The following ADAMTS9 variants were observed in gnomAD, a reference collection of about 807,000 sequenced individuals.
The protein encoded by ADAMTS9 is ADAM metallopeptidase with thrombospondin type 1 motif 9.
ADAMTS9 carries 107 observed loss-of-function variants against 257.1 expected under a neutral mutation model. The observed-to-expected ratio is 0.42, with a 90% CI of 0.36 to 0.49. The LOEUF (loss-of-function observed/expected upper bound fraction) is 0.49. Among genes scored for constraint, ADAMTS9 ranks in the 20% least tolerant of loss-of-function variants. The pLI is 0.03. For missense variants in ADAMTS9, 2,353 were observed against 2,469.1 expected, an observed-to-expected ratio of 0.95 and a Z score of 1.00; for synonymous variants, 982 against 880.9, an observed-to-expected ratio of 1.11 and a Z score of -2.03.
At position 64,613,507 on chromosome 3, in the gene ADAMTS9, G is replaced by A; in HGVS notation, c.3192C>T (p.Cys1064=). Reference sequence around the variant, plus strand: ...TATGCCCTTTTCCACAGGTGACCAAGCACTGTAATGAAAAGCGGAGCTAGT... The same window carrying A: ...TATGCCCTTTTCCACAGGTGACCAAACACTGTAATGAAAAGCGGAGCTAGT... ...PQWKSGDWSE[C]LVTCGKGHKH... The change falls in exon 22 of 40, where the codon TGC becomes TGT. Residue 1064 remains cysteine, a splice_region_variant and synonymous_variant. Transcript: ENST00000498707. The A allele has an allele frequency of 6.2e-7, 1 of 1,612,758 alleles. No homozygotes were observed. The highest frequency in any genetic ancestry group is 1.1e-5 in the South Asian group (1 of 90,854).
intron 3 of ADAMTS9, among the ~76,000 whole-genome samples, chr3:64,659,415 T>G (rs1701168372): frequency 6.7e-6 from 1 of 150,268 alleles, no homozygotes; most frequent in African/African-American, 2.4e-5. Context: ...CTGACGTGAG[T>G]TTAGATTGTG....
chr3:64,543,636 A>C (rs914201133), intron 32 of ADAMTS9, among the ~76,000 whole-genome samples: 29 of 152,164 alleles, frequency 1.9e-4, no homozygotes, highest in Admixed American at 9.2e-4. Context: ...TAAGAGCTAT[A>C]TATGACAAAC....
intron 18 of ADAMTS9, among the ~76,000 whole-genome samples, 199 bp downstream of exon 18, chr3:64,621,999 G>A (rs1000745350): frequency 1.3e-5 from 2 of 151,838 alleles, no homozygotes; most frequent in South Asian, 4.2e-4. Context: ...TTAGGATGAA[G>A]AAATCTAAAA....
chr3:64,602,347 T>A (rs539994935), intron 25 of ADAMTS9, 134 bp from the exon 26 acceptor site: 12 of 950,148 alleles, frequency 1.3e-5, no homozygotes, highest in Non-Finnish European at 1.9e-5. Flanking sequence ...ATCACCCTTG[T>A]CTCCTCTTTT....
chr3:64,555,021 C>T (rs7613753), intron 30 of ADAMTS9, among the ~76,000 whole-genome samples: 16,330 of 152,142 alleles, frequency 0.11, 1,529 homozygotes, highest in East Asian at 0.28. Context: ...GGAAGAAAAC[C>T]GCTTGAGAGT....
intron 14 of ADAMTS9, among the ~76,000 whole-genome samples, chr3:64,632,828 C>CAAA (rs67246847): frequency 3.6e-3 from 446 of 124,348 alleles, no homozygotes; most frequent in Middle Eastern, 0.012. Context: ...GGACCACAGG[C>CAAA]AAAAAAAAAA....
rs761479921 is a variant in ADAMTS9 at position 64,551,851 on chromosome 3, C to G, written c.4699-789G>C. 2.6e-5 allele frequency among the ~76,000 whole-genome samples: 4 copies of G among 152,340 alleles called. No individual in the cohort carries two copies. The South Asian group carries it at 8.3e-4, about 32-fold the overall frequency. ...GAAAGCATAAAGGAAAGTTTCAGCT[C>G]TCACAAGTAATCTCCTTCAGCTATT... is the stretch of plus-strand genomic sequence containing the variant. On this transcript the variant is annotated intron_variant, in intron 30 of 39. Coordinates refer to ENST00000498707, the MANE Select transcript of ADAMTS9 (RefSeq NM_182920.2).
At chr3:64,679,810 T>A (rs1576188813) in intron 3 of ADAMTS9, among the ~76,000 whole-genome samples, 1 of 152,362 alleles carries the variant, frequency 6.6e-6, no homozygotes, top group East Asian at 1.9e-4. Context: ...ATGGTCTTAC[T>A]AGCACGGTCA....
At chr3:64,653,341 C>T (rs1192210282) in intron 8 of ADAMTS9, among the ~76,000 whole-genome samples, 1 of 152,186 alleles carries the variant, frequency 6.6e-6, no homozygotes, top group Non-Finnish European at 1.5e-5. Flanking sequence ...TAATGGAAAG[C>T]CAGACCTCTT....
chr3:64,631,465 G>A lies in ADAMTS9; in HGVS notation c.2379C>T (p.Asp793=), dbSNP rs780406617. Residue 793 remains aspartate, a synonymous_variant, in exon 16 of 40, where the codon GAC becomes GAT. Transcript: ENST00000498707. ...QHSFSGETDD[D]NYLALSSSKG... ...GGCATCCCATCTCACCTAAGTAGTTGTCATCGTCTGTTTCCCCTGAGAAAC... is the reference window on the plus strand; with the variant it reads ...GGCATCCCATCTCACCTAAGTAGTTATCATCGTCTGTTTCCCCTGAGAAAC... 9 of 1,613,780 alleles carry A rather than the reference G, an allele frequency of 5.6e-6. No homozygotes were observed. In the Admixed American group the frequency reaches 1.5e-4, roughly 27 times the overall value.
At chr3:64,558,385 A>G (rs2083369748) in intron 30 of ADAMTS9, among the ~76,000 whole-genome samples, 1 of 152,244 alleles carries the variant, frequency 6.6e-6, no homozygotes, top group African/African-American at 2.4e-5. Context: ...GAAGCACTTC[A>G]TGTGAAAATA....
chr3:64,528,256 G>C (rs747266415), intron 38 of ADAMTS9, among the ~76,000 whole-genome samples: 19 of 152,170 alleles, frequency 1.2e-4, no homozygotes, highest in Non-Finnish European at 1.3e-4. Context: ...ACCAAAATGG[G>C]TAGCTCTGAG....
intron 22 of ADAMTS9, 75 bp downstream of exon 22, chr3:64,613,270 G>T: frequency 6.5e-7 from 1 of 1,549,218 alleles, no homozygotes; most frequent in Non-Finnish European, 8.8e-7. Context: ...TCCACCACTG[G>T]AATGCTCCTT....
At chr3:64,539,447 G>T (rs903639102) in intron 36 of ADAMTS9, among the ~76,000 whole-genome samples, 153 bp from the exon 37 acceptor site, 2 of 152,148 alleles carry the variant, frequency 1.3e-5, no homozygotes, top group African/African-American at 2.4e-5. Flanking sequence ...GTGGGTAAAT[G>T]GATCCAGATG....
intron 11 of ADAMTS9, among the ~76,000 whole-genome samples, chr3:64,642,353 T>TATA (rs1700668022): frequency 6.6e-6 from 1 of 152,092 alleles, no homozygotes; most frequent in Admixed American, 6.5e-5. Context: ...AAGATTTGCA[T>TATA]AGTGAATTTC....
chr3:64,619,721 T>G (rs143234157), intron 19 of ADAMTS9, among the ~76,000 whole-genome samples: 2,389 of 152,252 alleles, frequency 0.016, 61 homozygotes, highest in African/African-American at 0.052. Flanking sequence ...TCTATTACCA[T>G]AACCATTACA....
intron 2 of ADAMTS9, among the ~76,000 whole-genome samples, chr3:64,682,411 G>A (rs1475159051): frequency 6.6e-6 from 1 of 152,154 alleles, no homozygotes; most frequent in Non-Finnish European, 1.5e-5. Flanking sequence ...TAAGCACCTT[G>A]CAAGTCATTT....
At chr3:64,583,827 C>G (rs1314330049) in intron 28 of ADAMTS9, 1 of 152,154 alleles carries the variant, frequency 6.6e-6, no homozygotes, top group Admixed American at 6.5e-5. Flanking sequence ...AACATCCGCT[C>G]AATGAAGTCA....
At chr3:64,628,868 A>C (rs930129845) in intron 16 of ADAMTS9, among the ~76,000 whole-genome samples, 3 of 152,204 alleles carry the variant, frequency 2.0e-5, no homozygotes, top group African/African-American at 4.8e-5. Flanking sequence ...GCTTCATATC[A>C]GTAGCTGAAG....
Sources: gnomAD v4.1 joint callset for allele counts (sites outside exome capture counted in the v4.1 genomes callset) on GRCh38, gnomAD v4.1.1 for gene constraint, MANE v1.5 for transcripts, NCBI Gene and HGNC (gene_info 2026-07-23, HGNC 2026-07-21) for gene names.